Variants in SLBP observed in about 807,000 individuals in gnomAD.
The protein encoded by SLBP is stem-loop histone mRNA binding protein.
SLBP carries 29 observed loss-of-function variants against 39.2 expected under a neutral mutation model. That is an observed-to-expected ratio of 0.74 (90% CI 0.55 to 1.01). The LOEUF is 1.01. Among genes scored for constraint, SLBP ranks in the 50% least tolerant of loss-of-function variants. The pLI is 0.00. For missense variants in SLBP, 390 were observed against 350.2 expected (o/e 1.11, Z -0.91); for synonymous variants, 129 against 118.7 (o/e 1.09, Z -0.57).
At position 1,711,952 on chromosome 4, in the gene SLBP, C is replaced by A; in HGVS notation, c.98G>T (p.Arg33Leu). Reference sequence around the variant, plus strand: ...CCTCCAGCGCCTGCCGTCGGCTCTGCGCTTCCGTCCCAGGCTCCATCGCGC... The same window carrying A: ...CCTCCAGCGCCTGCCGTCGGCTCTGAGCTTCCGTCCCAGGCTCCATCGCGC... ...SPARWSLGRKRRADGRRWRPE... is the reference protein window; with the variant it reads ...SPARWSLGRKLRADGRRWRPE... Residue 33 changes from arginine to leucine, a missense_variant, in exon 2 of 8, where the codon CGC becomes CTC. Transcript: ENST00000489418. 7.5e-7 allele frequency: 1 copy of A among 1,333,896 alleles called. No individual in the cohort carries two copies. Among genetic ancestry groups the A allele is most frequent in the South Asian group, 1.9e-5 (1 of 53,614 alleles). The allele number at this position is 1,333,896 out of a possible 1,614,324, so 82.6% of individuals were successfully genotyped here. A position where few individuals can be genotyped will look rare whatever the true frequency, so the allele number is the denominator to read the frequency against.
Position 1,693,256 on chromosome 4 carries a change from C to T in SLBP, c.*341G>A, listed in dbSNP as rs550430208. On this transcript the variant is annotated 3_prime_UTR_variant, in exon 8 of 8. Transcript: ENST00000489418. ...ACATGGTTAAATCCAAAACAGTCCA[C>T]CTGACAAGCAATAACTGAAGATGCC... The T allele has an allele frequency of 4.7e-6, 1 of 213,826 alleles. No homozygotes were observed. Among genetic ancestry groups the T allele is most frequent in the Non-Finnish European group, 9.5e-6 (1 of 105,090 alleles). The allele number at this position is 213,826 out of a possible 1,614,324, so 13.2% of individuals were successfully genotyped here. A position where few individuals can be genotyped will look rare whatever the true frequency, so the allele number is the denominator to read the frequency against.
At chr4:1,710,848 G>A (rs550933876) in intron 2 of SLBP, among the ~76,000 whole-genome samples, 20 of 151,602 alleles carry the variant, frequency 1.3e-4, no homozygotes, top group South Asian at 2.1e-4. Flanking sequence ...TCAGGAGTTC[G>A]ACACCAGTCT....
rs996371868 is a variant in SLBP, at chr4:1,699,949, T to C, written c.341+62A>G. ...GTCAGCATTTCTGACAGTCACAATT[T>C]TTTTTTTTTAACAAATTACAGGTCT... On this transcript the variant is annotated intron_variant, in intron 4 of 7. Coordinates refer to ENST00000489418, the MANE Select transcript of SLBP (RefSeq NM_006527.4). The C allele has an allele frequency of 8.9e-6, 11 of 1,234,754 alleles. 1 individual carries two copies. In the Admixed American group the frequency reaches 2.5e-4, roughly 28 times the overall value. 76.5% of individuals were successfully genotyped at this position (1,234,754 alleles called of 1,614,324 possible).
intron 2 of SLBP, among the ~76,000 whole-genome samples, chr4:1,709,363 T>C (rs1400656070): frequency 6.6e-6 from 1 of 152,212 alleles, no homozygotes; most frequent in African/African-American, 2.4e-5. Flanking sequence ...GCCTCCTAAT[T>C]GCCATCATGT....
At chr4:1,709,418 T>A (rs1165803415) in intron 2 of SLBP, among the ~76,000 whole-genome samples, 1 of 152,176 alleles carries the variant, frequency 6.6e-6, no homozygotes, top group Non-Finnish European at 1.5e-5. Context: ...GTAAACAGTG[T>A]TCAAGAAGAA....
chr4:1,705,670 T>C (rs941761601), intron 2 of SLBP, among the ~76,000 whole-genome samples: 2 of 152,248 alleles, frequency 1.3e-5, no homozygotes, highest in African/African-American at 4.8e-5. Flanking sequence ...CAATGCTGAC[T>C]GTCTACAGCA....
chr4:1,709,762 C>T (rs1007172171), intron 2 of SLBP, among the ~76,000 whole-genome samples: 1 of 152,206 alleles, frequency 6.6e-6, no homozygotes, highest in Non-Finnish European at 1.5e-5. Flanking sequence ...CAGGCGCCCG[C>T]TACCACGCCC....
At chr4:1,711,841 C>G in intron 2 of SLBP, 33 bp downstream of exon 2, 1 of 1,195,320 alleles carries the variant, frequency 8.4e-7, no homozygotes, top group Non-Finnish European at 1.1e-6. Flanking sequence ...TCAAGGGCCC[C>G]ACCGCGCCCC....
chr4:1,705,752 T>C (rs1219894907), intron 2 of SLBP, among the ~76,000 whole-genome samples: 3 of 152,196 alleles, frequency 2.0e-5, no homozygotes, highest in Admixed American at 6.5e-5. Context: ...GTTGTCTTTT[T>C]CATGTGTGCT....
intron 7 of SLBP, 27 bp downstream of exon 7, chr4:1,694,747 G>C (rs369108693): frequency 2.6e-6 from 4 of 1,553,586 alleles, no homozygotes; most frequent in Non-Finnish European, 3.6e-6. Context: ...CAACCCCCAA[G>C]CTGAAAGACT....
At chr4:1,698,739 C>T (rs1282602792) in intron 5 of SLBP, among the ~76,000 whole-genome samples, 1 of 151,850 alleles carries the variant, frequency 6.6e-6, no homozygotes, top group African/African-American at 2.4e-5. Context: ...ACTCCTCGGC[C>T]TCCCAAAGTG....
rs542270239 is a variant in SLBP at position 1,707,839 on chromosome 4, G to A, written c.176+4035C>T. 5.1e-4 allele frequency among the ~76,000 whole-genome samples: 78 copies of A among 152,262 alleles called. No homozygotes were observed. In the South Asian group the frequency reaches 0.016, roughly 31 times the overall value. ...CTCACACCTGTAATCCCAGCACTTT[G>A]GGAGGCTAAAGCAGGCTGATCACTA... On this transcript the variant is annotated intron_variant, in intron 2 of 7. Transcript: ENST00000489418.
chr4:1,695,561 A>C (rs1716074668), intron 6 of SLBP, among the ~76,000 whole-genome samples: 1 of 152,198 alleles, frequency 6.6e-6, no homozygotes, highest in Non-Finnish European at 1.5e-5. Flanking sequence ...GCACTTTGGG[A>C]GGCTGAGGCG....
chr4:1,700,027 TTC>T lies in SLBP; in HGVS notation c.323_324del (p.Arg108LysfsTer8), dbSNP rs1418540433. 2 of 1,599,600 alleles carry T rather than the reference TTC, an allele frequency of 1.3e-6. No homozygotes were observed. The highest frequency in any genetic ancestry group is 1.7e-6 in the Non-Finnish European group (2 of 1,170,302). On this transcript the variant is annotated frameshift_variant, in exon 4 of 8. Coordinates refer to ENST00000489418, the MANE Select transcript of SLBP (RefSeq NM_006527.4). LOFTEE classifies it high-confidence loss of function. ...AGCCTTTACCTTCCTGATGATGATT[TTC>T]TCTCTCTTCCAAAGTCATTGATGAG... ...KLLINDFGRE[R>X]KSSSGSSDSK...
Position 1,697,953 on chromosome 4 carries a change from C to G in SLBP, c.480-1602G>C, listed in dbSNP as rs556567339. ...CCAGCCTGGGCGACATAGGGAGACT[C>G]CCATCTCTATAAAAATTTAAAAGTT... On this transcript the variant is annotated intron_variant, in intron 5 of 7. Coordinates refer to ENST00000489418, the MANE Select transcript of SLBP (RefSeq NM_006527.4). Among the ~76,000 whole-genome samples the G allele has an allele frequency of 7.6e-4, 115 of 152,120 alleles. 1 individual carries two copies. Among genetic ancestry groups the G allele is most frequent in the Admixed American group, 1.1e-3 (17 of 15,270 alleles).
chr4:1,699,788 T>C, intron 4 of SLBP, 87 bp from the exon 5 acceptor site: 1 of 1,278,642 alleles, frequency 7.8e-7, no homozygotes, highest in Non-Finnish European at 1.1e-6. Context: ...CAAAACACAA[T>C]AATGGAAGAT....
In SLBP at chr4:1,693,710, C is replaced by T. The variant is rs1448013024; in HGVS notation, c.700G>A (p.Val234Met). The change falls in exon 8 of 8, where the codon GTG (valine) becomes ATG (methionine). Residue 234 changes from valine (V) to methionine (M), a missense_variant. Transcript: ENST00000489418. ...ACCTTGGTGGGTGTGCCAGAGTACA[C>T]ATCCTGGAAAACAGAAGCATGGCTC... ...PQTSSQDDFD[V>M]YSGTPTKVRH... 2 of 1,603,572 alleles carry T rather than the reference C, an allele frequency of 1.2e-6. No homozygotes were observed. The highest frequency in any genetic ancestry group is 1.7e-6 in the Non-Finnish European group (2 of 1,170,518).
chr4:1,709,959 G>C (rs1430766818), intron 2 of SLBP, among the ~76,000 whole-genome samples: 3 of 151,966 alleles, frequency 2.0e-5, no homozygotes, highest in Non-Finnish European at 2.9e-5. Context: ...CGCAACTCCG[G>C]GCCTTTTGCA....
intron 2 of SLBP, among the ~76,000 whole-genome samples, chr4:1,708,971 G>A (rs1480135693): frequency 6.6e-6 from 1 of 152,158 alleles, no homozygotes; most frequent in African/African-American, 2.4e-5. Context: ...GACCACTGGA[G>A]AGTTCAGAGC....
Sources: allele counts gnomAD v4.1 joint callset (sites outside exome capture counted in the v4.1 genomes callset), GRCh38; gene constraint gnomAD v4.1.1; transcripts MANE v1.5; gene names NCBI Gene and HGNC (gene_info 2026-07-23, HGNC 2026-07-21).